CNTLN: variants seen among roughly 807,000 people sequenced by gnomAD.
The protein encoded by CNTLN is centlein, centrosomal protein.
CNTLN carries 212 observed loss-of-function variants against 180.0 expected under a neutral mutation model. The observed-to-expected ratio is 1.18, with a 90% CI of 1.05 to 1.32. The LOEUF is 1.32. CNTLN is among the 40% of genes most tolerant of loss of function. The pLI is 0.00. For synonymous variants in CNTLN, 722 were observed against 563.1 expected (o/e 1.28, Z -3.99); for missense variants, 2,095 against 1,610.9 (o/e 1.30, Z -5.14).
chr9:17,412,810 A>G (rs1827950220), intron 16 of CNTLN, among the ~76,000 whole-genome samples: 1 of 152,206 alleles, frequency 6.6e-6, no homozygotes, highest in South Asian at 2.1e-4. Context: ...TATGACACGT[A>G]TATTAAAGTT....
chr9:17,381,632 CA>C (rs1458304203), intron 13 of CNTLN, among the ~76,000 whole-genome samples: 20 of 152,166 alleles, frequency 1.3e-4, no homozygotes, highest in African/African-American at 4.8e-4. Context: ...TTAAAGTTAC[CA>C]ATTTCTGTAT....
chr9:17,358,513 G>A (rs567664446), intron 12 of CNTLN, among the ~76,000 whole-genome samples: 2 of 152,130 alleles, frequency 1.3e-5, no homozygotes, highest in African/African-American at 4.8e-5. Flanking sequence ...AGACGTACAC[G>A]TGTGTATGTA....
At chr9:17,144,739 T>C (rs1435291315) in intron 2 of CNTLN, among the ~76,000 whole-genome samples, 1 of 151,594 alleles carries the variant, frequency 6.6e-6, no homozygotes, top group African/African-American at 2.4e-5. Flanking sequence ...TAATGAGAAA[T>C]TTTGGAGATT....
intron 25 of CNTLN, chr9:17,495,085 G>A (rs1422781882): frequency 1.1e-5 from 4 of 356,398 alleles, no homozygotes; most frequent in Admixed American, 3.7e-5. Flanking sequence ...TTGCCATGTT[G>A]CCCAGGCTGG....
At chr9:17,479,402 C>T (rs7045122) in intron 23 of CNTLN, among the ~76,000 whole-genome samples, 9,949 of 152,054 alleles carry the variant, frequency 0.065, 1,106 homozygotes, top group African/African-American at 0.23. Context: ...GGATAAACTC[C>T]GACGGCATTA....
At chr9:17,243,659 C>G (rs901681440) in intron 5 of CNTLN, among the ~76,000 whole-genome samples, 5 of 152,048 alleles carry the variant, frequency 3.3e-5, no homozygotes, top group African/African-American at 1.2e-4. Flanking sequence ...TTTTATTCCA[C>G]TGTGGTCAGA....
At chr9:17,396,213 ACT>A (rs1023093194) in intron 15 of CNTLN, among the ~76,000 whole-genome samples, 12 of 152,194 alleles carry the variant, frequency 7.9e-5, no homozygotes, top group African/African-American at 2.9e-4. Flanking sequence ...CCTCAGGGCT[ACT>A]CTGTCTATGG....
At chr9:17,483,059 C>T (rs959751575) in intron 23 of CNTLN, among the ~76,000 whole-genome samples, 1 of 151,900 alleles carries the variant, frequency 6.6e-6, no homozygotes, top group African/African-American at 2.4e-5. Context: ...AAATATTTTT[C>T]TGTGACATCA....
At chr9:17,215,021 G>A (rs1270506648) in intron 2 of CNTLN, among the ~76,000 whole-genome samples, 1 of 152,144 alleles carries the variant, frequency 6.6e-6, no homozygotes, top group Non-Finnish European at 1.5e-5. Flanking sequence ...GCTGGGAGAA[G>A]TTTGATTGTC....
chr9:17,335,370 A>G (rs1485590390), intron 10 of CNTLN, among the ~76,000 whole-genome samples: 1 of 152,152 alleles, frequency 6.6e-6, no homozygotes, highest in Non-Finnish European at 1.5e-5. Context: ...TACAAAAATT[A>G]GCTGGGTGTG....
intron 18 of CNTLN, among the ~76,000 whole-genome samples, chr9:17,432,472 T>C (rs1204227241): frequency 6.6e-6 from 1 of 151,880 alleles, no homozygotes; most frequent in Non-Finnish European, 1.5e-5. Context: ...ATTCAGAAAA[T>C]GGCATAGAGA....
intron 5 of CNTLN, among the ~76,000 whole-genome samples, chr9:17,248,127 C>T (rs4430173): frequency 0.21 from 31,208 of 152,082 alleles, 4,072 homozygotes; most frequent in African/African-American, 0.36. Context: ...CACCCAGCCT[C>T]GTCTTTCACT....
chr9:17,154,355 A>G (rs758760895), intron 2 of CNTLN, among the ~76,000 whole-genome samples: 1 of 151,950 alleles, frequency 6.6e-6, no homozygotes, highest in Non-Finnish European at 1.5e-5. Context: ...GGATGTGCTA[A>G]TCCTTTCTGT....
chr9:17,256,646 T>G (rs1284528351), intron 5 of CNTLN, among the ~76,000 whole-genome samples: 1 of 151,812 alleles, frequency 6.6e-6, no homozygotes, highest in Admixed American at 6.6e-5. Context: ...AGGCAGAATG[T>G]GTATTCAAAT....
At chr9:17,142,173 C>T (rs963826703) in intron 1 of CNTLN, among the ~76,000 whole-genome samples, 2 of 152,036 alleles carry the variant, frequency 1.3e-5, no homozygotes, top group Non-Finnish European at 2.9e-5. Context: ...ATAGGTGGGC[C>T]GCATGCAGCC....
chr9:17,348,171 A>C (rs910706042), intron 12 of CNTLN, among the ~76,000 whole-genome samples: 1 of 152,240 alleles, frequency 6.6e-6, no homozygotes. Context: ...GTCGTACGTC[A>C]CTTATTGCCA....
chr9:17,187,462 T>C (rs1821502648), intron 2 of CNTLN, among the ~76,000 whole-genome samples: 1 of 152,080 alleles, frequency 6.6e-6, no homozygotes, highest in African/African-American at 2.4e-5. Context: ...GGGGTCATTA[T>C]AGAAAATTTG....
chr9:17,492,051 AC>A (rs1833190453), intron 25 of CNTLN, among the ~76,000 whole-genome samples: 2 of 152,078 alleles, frequency 1.3e-5, no homozygotes, highest in African/African-American at 4.8e-5. Flanking sequence ...ATGTAAGCCT[AC>A]ACACTCAGTA....
chr9:17,354,917 G>A (rs187108490), intron 12 of CNTLN, among the ~76,000 whole-genome samples: 5 of 151,970 alleles, frequency 3.3e-5, no homozygotes, highest in South Asian at 2.1e-4. Context: ...TGAGCCCAGC[G>A]AGACCACGAG....
Sources: allele counts gnomAD v4.1 joint callset (sites outside exome capture counted in the v4.1 genomes callset), GRCh38; gene constraint gnomAD v4.1.1; transcripts MANE v1.5; gene names NCBI Gene and HGNC (gene_info 2026-07-23, HGNC 2026-07-21).